Variants in PTPN3 observed in about 807,000 individuals in gnomAD.
The protein encoded by PTPN3 is tyrosine-protein phosphatase non-receptor type 3.
Under a neutral mutation model 132.7 loss-of-function variants are expected in PTPN3, and 96 were observed. That is an observed-to-expected ratio of 0.72 (90% CI 0.61 to 0.86). The LOEUF (loss-of-function observed/expected upper bound fraction) is 0.86, where lower values mean the gene tolerates loss of function less well. Ranked by LOEUF, PTPN3 falls within the 40% of genes least tolerant of loss-of-function variation. The pLI, the probability that PTPN3 is intolerant of heterozygous loss-of-function variation, is 0.00. For synonymous variants in PTPN3, 398 were observed against 429.0 expected (o/e 0.93, Z 0.89); for missense variants, 1,125 against 1,159.6 (o/e 0.97, Z 0.43).
chr9:109,535,273 C>T, the PTPN3 span, among the ~76,000 whole-genome samples: 2 of 152,306 alleles, frequency 1.3e-5, no homozygotes, highest in African/African-American at 4.8e-5. Flanking sequence ...CATTCACTGG[C>T]CGGCAGACTC....
chr9:109,463,573 C>T, intron 1 of PTPN3, 122 bp from the exon 2 acceptor site: 1 of 823,670 alleles, frequency 1.2e-6, no homozygotes, highest in Non-Finnish European at 1.8e-6. Flanking sequence ...ATAATGAGAA[C>T]TACATAGCAG....
At chr9:109,522,465 C>G in the PTPN3 span, among the ~76,000 whole-genome samples, 2 of 152,228 alleles carry the variant, frequency 1.3e-5, no homozygotes, top group Non-Finnish European at 2.9e-5. Flanking sequence ...AGCTGACTAG[C>G]ACGCCTGATG....
chr9:109,471,723 T>G (rs1398358254), intron 1 of PTPN3, among the ~76,000 whole-genome samples: 1 of 151,786 alleles, frequency 6.6e-6, no homozygotes, highest in Non-Finnish European at 1.5e-5. Flanking sequence ...CAGGCTGGCC[T>G]CAAACTCCTG....
intron 1 of PTPN3, among the ~76,000 whole-genome samples, chr9:109,473,334 T>C (rs1351897428): frequency 2.0e-5 from 3 of 152,210 alleles, no homozygotes; most frequent in Non-Finnish European, 2.9e-5. Context: ...GTATTCAAAC[T>C]GAGATCTGTA....
rs1158259516 is a variant in PTPN3 at position 109,452,266 on chromosome 9, CAAAA to C, written c.368+2226_368+2229del. On this transcript the variant is annotated intron_variant, in intron 5 of 25. Transcript: ENST00000374541. Reference sequence around the variant, plus strand: ...CTGGGTGACAGAGCGAGCTCCGTCTCAAAAAAAAAAAAAAAAAAAAAGGAAATAA... The same window carrying C: ...CTGGGTGACAGAGCGAGCTCCGTCTCAAAAAAAAAAAAAAAAAGGAAATAA... Among the ~76,000 whole-genome samples, 6 of 71,658 alleles carry C rather than the reference CAAAA, an allele frequency of 8.4e-5. No homozygotes were observed. The East Asian group carries it at 1.6e-3, about 19-fold the overall frequency. 47.0% of individuals were successfully genotyped at this position (71,658 alleles called of 152,430 possible). A position where few individuals can be genotyped will look rare whatever the true frequency, so the allele number is the denominator to read the frequency against.
chr9:109,463,581 C>G, intron 1 of PTPN3, 130 bp from the exon 2 acceptor site: 1 of 742,434 alleles, frequency 1.3e-6, no homozygotes, highest in Non-Finnish European at 2.0e-6. Flanking sequence ...AACTACATAG[C>G]AGATCATGTT....
rs760293572 is a variant in PTPN3, at chr9:109,389,234, C to T, written c.2252G>A (p.Arg751Gln). The change falls in exon 22 of 26, where the codon CGG becomes CAG. Residue 751 changes from arginine to glutamine, a missense_variant and splice_region_variant. By Grantham distance (43) the Arg-to-Gln change is conservative. Transcript: ENST00000374541. ...TGAATTAGAAATCAAGCTACTTACCCGCCCTCGTTCTGTGAGAGTCGTCAA... is the reference window on the plus strand; with the variant it reads ...TGAATTAGAAATCAAGCTACTTACCTGCCCTCGTTCTGTGAGAGTCGTCAA... ...VMLTTLTERGRTKCHQYWPDP... is the reference protein window; with the variant it reads ...VMLTTLTERGQTKCHQYWPDP... The T allele has an allele frequency of 1.6e-5, 26 of 1,613,886 alleles. No homozygotes were observed. Among genetic ancestry groups the T allele is most frequent in the Admixed American group, 1.3e-4 (8 of 59,990 alleles).
chr9:109,507,990 T>C, the PTPN3 span, among the ~76,000 whole-genome samples: 2 of 152,130 alleles, frequency 1.3e-5, no homozygotes, highest in African/African-American at 4.8e-5. Flanking sequence ...TTGCTTCCCC[T>C]TGAAAAATGA....
chr9:109,405,787 T>C (rs150884630), intron 18 of PTPN3, among the ~76,000 whole-genome samples: 2,151 of 152,312 alleles, frequency 0.014, 26 homozygotes, highest in South Asian at 0.038. Flanking sequence ...GGTTTTACCA[T>C]GTTGGTCAAG....
the PTPN3 span, chr9:109,533,846 T>C: frequency 1.2e-6 from 1 of 831,498 alleles, no homozygotes; most frequent in African/African-American, 1.7e-5. Flanking sequence ...GCTATTCTGG[T>C]AGTTTTGCTG....
chr9:109,454,936 C>T (rs1416165486), intron 4 of PTPN3, among the ~76,000 whole-genome samples: 1 of 152,144 alleles, frequency 6.6e-6, no homozygotes, highest in African/African-American at 2.4e-5. Flanking sequence ...GTTTGTGTAG[C>T]CATTTATAAG....
intron 12 of PTPN3, among the ~76,000 whole-genome samples, chr9:109,424,855 A>G (rs1843128705): frequency 6.6e-6 from 1 of 152,238 alleles, no homozygotes; most frequent in Admixed American, 6.5e-5. Context: ...TTGTGCCACA[A>G]TACAAGACCA....
Position 109,410,396 on chromosome 9 carries a change from G to T in PTPN3, c.1333C>A (p.Pro445Thr). ...PHQESLSENN[P>T]AQSYLTQKSS... ...TTCTGGGTCAGGTAGCTTTGTGCCG[G>T]ATTGTTCTCGGATAAACTCCTTCAT... The change falls in exon 15 of 26, where the codon CCG becomes ACG. Residue 445 changes from proline (P) to threonine (T), a missense_variant. Coordinates refer to ENST00000374541, the MANE Select transcript of PTPN3 (RefSeq NM_002829.4). 6.2e-7 allele frequency: 1 copy of T among 1,614,124 alleles called. No homozygotes were observed. The highest frequency in any genetic ancestry group is 1.1e-5 in the South Asian group (1 of 91,062).
intron 6 of PTPN3, among the ~76,000 whole-genome samples, chr9:109,446,403 T>C (rs980052570): frequency 2.0e-5 from 3 of 152,132 alleles, no homozygotes; most frequent in Non-Finnish European, 4.4e-5. Flanking sequence ...GAAGTCGACT[T>C]TCCCTATCTG....
intron 14 of PTPN3, chr9:109,417,658 T>A: frequency 7.1e-6 from 7 of 985,202 alleles, no homozygotes; most frequent in Non-Finnish European, 7.2e-6. Context: ...CAAAGTGGCT[T>A]CCCACCGGCA....
intron 10 of PTPN3, among the ~76,000 whole-genome samples, chr9:109,430,738 T>C (rs79301918): frequency 0.03 from 4,531 of 152,224 alleles, 107 homozygotes; most frequent in East Asian, 0.12. Context: ...GCCTAGAGTC[T>C]CACAAGAGCA....
the PTPN3 span, among the ~76,000 whole-genome samples, chr9:109,529,487 G>A: frequency 6.6e-6 from 1 of 152,118 alleles, no homozygotes; most frequent in East Asian, 1.9e-4. Context: ...TTCACAGCAG[G>A]AATTCTTGTG....
At chr9:109,417,760 G>A (rs2131822022) in intron 14 of PTPN3, 1 of 985,316 alleles carries the variant, frequency 1.0e-6, no homozygotes, top group Admixed American at 6.1e-5. Context: ...TTGACCCCCT[G>A]ACATGTCTAT....
At chr9:109,407,169 G>A (rs761226032) in intron 17 of PTPN3, among the ~76,000 whole-genome samples, 3 of 152,164 alleles carry the variant, frequency 2.0e-5, no homozygotes, top group Non-Finnish European at 4.4e-5. Context: ...AAATCCCAAC[G>A]TGGTTCACTG....
Sources: gnomAD v4.1 joint callset for allele counts (sites outside exome capture counted in the v4.1 genomes callset) on GRCh38, gnomAD v4.1.1 for gene constraint, MANE v1.5 for transcripts, NCBI Gene and HGNC (gene_info 2026-07-23, HGNC 2026-07-21) for gene names.